The following MAGI1 variants were observed in gnomAD, a reference collection of about 807,000 sequenced individuals.
The protein encoded by MAGI1 is membrane-associated guanylate kinase, WW and PDZ domain-containing protein 1.
In MAGI1, 58 loss-of-function variants were observed where a neutral mutation model predicts 139.9. The observed-to-expected ratio is 0.41, with a 90% confidence interval of 0.34 to 0.52. The LOEUF is 0.52. Among genes scored for constraint, MAGI1 ranks in the 20% least tolerant of loss-of-function variants. The pLI, the probability that MAGI1 is intolerant of heterozygous loss-of-function variation, is 0.12. For missense variants in MAGI1, 1,874 were observed against 1,901.6 expected (o/e 0.99, Z 0.27); for synonymous variants, 812 against 737.9 (o/e 1.10, Z -1.63).
chr3:65,842,694 G>C (rs763889861), intron 1 of MAGI1, among the ~76,000 whole-genome samples: 2 of 152,068 alleles, frequency 1.3e-5, no homozygotes, highest in Non-Finnish European at 2.9e-5. Context: ...AATTTAATCT[G>C]GCTGAAACAA....
At chr3:65,964,081 C>A (rs1560061478) in intron 1 of MAGI1, among the ~76,000 whole-genome samples, 1 of 152,140 alleles carries the variant, frequency 6.6e-6, no homozygotes. Flanking sequence ...TGCAAGGAAG[C>A]TTTGAGCCAC....
At chr3:65,986,100 C>T (rs2107317527) in intron 1 of MAGI1, among the ~76,000 whole-genome samples, 1 of 152,274 alleles carries the variant, frequency 6.6e-6, no homozygotes, top group African/African-American at 2.4e-5. Flanking sequence ...CATTTCCTTC[C>T]ATTTCCAGCC....
At chr3:65,799,493 G>GAAGCA (rs1414433703) in intron 1 of MAGI1, among the ~76,000 whole-genome samples, 2 of 152,180 alleles carry the variant, frequency 1.3e-5, no homozygotes, top group East Asian at 3.8e-4. Context: ...TGCTGATGAA[G>GAAGCA]AAGCAGCTGT....
chr3:65,519,335 GACACACACACACACACACACACACACAC>G (rs35232258), intron 2 of MAGI1, among the ~76,000 whole-genome samples: 5 of 139,222 alleles, frequency 3.6e-5, no homozygotes, highest in Admixed American at 7.2e-5. Flanking sequence ...ATCATGATCT[GACACACACACACACACACACACACACAC>G]ACACACACAC....
chr3:65,586,176 C>G (rs1004127936), intron 2 of MAGI1, among the ~76,000 whole-genome samples: 4 of 151,688 alleles, frequency 2.6e-5, no homozygotes, highest in African/African-American at 4.8e-5. Context: ...TGCCACTGTA[C>G]TCTAGCCTGA....
intron 2 of MAGI1, among the ~76,000 whole-genome samples, chr3:65,572,460 C>T (rs1217854374): frequency 6.6e-6 from 1 of 152,036 alleles, no homozygotes; most frequent in Non-Finnish European, 1.5e-5. Context: ...ACTGAATAAC[C>T]AGCTGGGGAG....
intron 1 of MAGI1, among the ~76,000 whole-genome samples, chr3:65,754,850 T>C (rs548452838): frequency 2.0e-5 from 3 of 152,226 alleles, no homozygotes; most frequent in Non-Finnish European, 4.4e-5. Flanking sequence ...TAGTTTTCTA[T>C]GTTTAAAAGG....
At chr3:65,643,306 G>C (rs2085080314) in intron 1 of MAGI1, among the ~76,000 whole-genome samples, 1 of 152,164 alleles carries the variant, frequency 6.6e-6, no homozygotes, top group South Asian at 2.1e-4. Context: ...CATGTTACTA[G>C]CAAACACCTC....
chr3:65,759,432 C>G (rs1269044456), intron 1 of MAGI1, among the ~76,000 whole-genome samples: 1 of 152,182 alleles, frequency 6.6e-6, no homozygotes, highest in Non-Finnish European at 1.5e-5. Context: ...GGCAGCTGCT[C>G]TTGTTATTCT....
chr3:65,844,959 A>C (rs1184325968), intron 1 of MAGI1, among the ~76,000 whole-genome samples: 1 of 152,054 alleles, frequency 6.6e-6, no homozygotes, highest in African/African-American at 2.4e-5. Context: ...GCCCATTGAA[A>C]TCCTTGGGCA....
At chr3:65,520,296 C>T (rs1325289975) in intron 2 of MAGI1, among the ~76,000 whole-genome samples, 1 of 152,120 alleles carries the variant, frequency 6.6e-6, no homozygotes, top group African/African-American at 2.4e-5. Flanking sequence ...TCAAACTAGC[C>T]GTAAGGGAAA....
At chr3:65,410,886 G>C (rs887979508) in intron 12 of MAGI1, among the ~76,000 whole-genome samples, 2 of 152,168 alleles carry the variant, frequency 1.3e-5, no homozygotes, top group Non-Finnish European at 2.9e-5. Flanking sequence ...CAGTTTCAAA[G>C]TGGGCAGGAG....
intron 2 of MAGI1, among the ~76,000 whole-genome samples, chr3:65,561,219 T>C (rs889699516): frequency 2.0e-5 from 3 of 152,156 alleles, no homozygotes; most frequent in African/African-American, 4.8e-5. Flanking sequence ...ATCTTCCCTA[T>C]TTGGCAGAGC....
At chr3:65,916,691 G>A (rs924974611) in intron 1 of MAGI1, among the ~76,000 whole-genome samples, 8 of 151,906 alleles carry the variant, frequency 5.3e-5, no homozygotes, top group Non-Finnish European at 7.4e-5. Flanking sequence ...AACCACAATC[G>A]CCTCCCACAG....
intron 17 of MAGI1, among the ~76,000 whole-genome samples, chr3:65,377,532 C>A (rs1049787300): frequency 1.3e-5 from 2 of 152,190 alleles, no homozygotes; most frequent in Admixed American, 6.5e-5. Flanking sequence ...TTTGCTATTT[C>A]TTTCTAGAAG....
chr3:65,682,585 A>T (rs999229583), intron 1 of MAGI1, among the ~76,000 whole-genome samples: 1 of 152,138 alleles, frequency 6.6e-6, no homozygotes, highest in African/African-American at 2.4e-5. Context: ...TCTTACACCA[A>T]ATTTACTTGG....
chr3:65,698,372 C>A (rs2089361316), intron 1 of MAGI1, among the ~76,000 whole-genome samples: 1 of 142,126 alleles, frequency 7.0e-6, no homozygotes, highest in Non-Finnish European at 1.5e-5. Context: ...TTGGAAAAAA[C>A]CACTTTAAAG....
At chr3:65,383,848 A>G (rs1022173249) in intron 14 of MAGI1, among the ~76,000 whole-genome samples, 4 of 152,222 alleles carry the variant, frequency 2.6e-5, no homozygotes, top group Non-Finnish European at 5.9e-5. Flanking sequence ...AGGACCCATC[A>G]CTGTTTGATA....
intron 1 of MAGI1, among the ~76,000 whole-genome samples, chr3:65,900,965 G>GT (rs2061205059): frequency 6.6e-6 from 1 of 152,216 alleles, no homozygotes; most frequent in African/African-American, 2.4e-5. Flanking sequence ...GAAGAATGAA[G>GT]TAAGAGCGCA....
Sources: gnomAD v4.1 joint callset for allele counts (sites outside exome capture counted in the v4.1 genomes callset) on GRCh38, gnomAD v4.1.1 for gene constraint, MANE v1.5 for transcripts, NCBI Gene and HGNC (gene_info 2026-07-23, HGNC 2026-07-21) for gene names.